The following ABCB10 variants were observed in gnomAD, a reference collection of about 807,000 sequenced individuals.
ABCB10 encodes ATP binding cassette subfamily B member 10, also known as ATP-binding cassette sub-family B member 10, mitochondrial.
Under a neutral mutation model 65.4 loss-of-function variants are expected in ABCB10, and 54 were observed. The observed-to-expected ratio is 0.83, with a 90% CI of 0.66 to 1.04. ABCB10 has a LOEUF of 1.04. ABCB10 is among the 50% of genes least tolerant of loss of function. The probability of loss-of-function intolerance (pLI) is 0.00; values close to 1 mark genes in which losing one functional copy is unlikely to be tolerated. For missense variants in ABCB10, 846 were observed against 976.6 expected (o/e 0.87, Z 1.78); for synonymous variants, 418 against 406.5 (o/e 1.03, Z -0.34).
intron 7 of ABCB10, 43 bp from the exon 8 acceptor site, chr1:229,530,451 T>C: frequency 1.2e-6 from 2 of 1,603,950 alleles, no homozygotes; most frequent in Non-Finnish European, 1.7e-6. Flanking sequence ...AGCAAAAAAT[T>C]AAACTCAAAA....
In ABCB10 at chr1:229,530,361, T is replaced by C. The variant is rs143054600; in HGVS notation, c.1483A>G (p.Lys495Glu). The change falls in exon 8 of 13, where the codon AAG becomes GAG. Residue 495 changes from lysine (K) to glutamate (E), a missense_variant. This residue lies in a region of ABCB10 where 632 missense variants were observed against 803.2 expected (regional missense o/e 0.79). Coordinates refer to ENST00000344517, the MANE Select transcript of ABCB10 (RefSeq NM_012089.3). ...EKSFQGALEF[K>E]NVHFAYPARP... ...GCTGGATAGGCAAAATGCACGTTCT[T>C]AAACTCCAAAGCACCCTGGAAGCTT... 2.3e-5 allele frequency: 37 copies of C among 1,614,218 alleles called. No homozygotes were observed. The African/African-American group carries it at 4.7e-4, about 20-fold the overall frequency.
chr1:229,526,166 A>G, intron 9 of ABCB10, 50 bp from the exon 10 acceptor site: 1 of 1,543,180 alleles, frequency 6.5e-7, no homozygotes. Context: ...GACTTAAAAC[A>G]TGTCTAATAA....
Position 229,549,533 on chromosome 1 carries a change from G to A in ABCB10, c.518-99C>T, listed in dbSNP as rs997634352. ...CCTTGCCAAATAAGCTGTTGTCAGA[G>A]TATGCGTTGATCTCAGTCTCTAGCA... On this transcript the variant is annotated intron_variant, in intron 1 of 12. Transcript: ENST00000344517. The A allele has an allele frequency of 5.1e-5, 59 of 1,154,186 alleles. 1 individual carries two copies. In the Middle Eastern group the frequency reaches 1.1e-3, roughly 21 times the overall value. 71.5% of individuals were successfully genotyped at this position (1,154,186 alleles called of 1,614,324 possible). A position where few individuals can be genotyped will look rare whatever the true frequency, so the allele number is the denominator to read the frequency against.
chr1:229,553,708 G>A lies in ABCB10; in HGVS notation c.518-4274C>T, dbSNP rs1379201320. The stretch of plus-strand genomic sequence containing the variant: ...TTGAGGTTGAGTTGGTCAGCATTGG[G>A]TCGGAACCCTGACGAACTCAACCTC... On this transcript the variant is annotated intron_variant, in intron 1 of 12. Transcript: ENST00000344517. 7.3e-5 allele frequency among the ~76,000 whole-genome samples: 11 copies of A among 151,152 alleles called. 1 individual carries two copies. Among genetic ancestry groups the A allele is most frequent in the Admixed American group, 6.6e-4 (10 of 15,242 alleles).
chr1:229,529,667 C>CAAAAA (rs969766089), intron 8 of ABCB10, among the ~76,000 whole-genome samples: 3 of 23,198 alleles, frequency 1.3e-4, no homozygotes, highest in African/African-American at 1.8e-4. Flanking sequence ...AAGACTGTCT[C>CAAAAA]AAAAAAAAAA....
intron 3 of ABCB10, among the ~76,000 whole-genome samples, chr1:229,543,435 C>G (rs1662898343): frequency 6.6e-6 from 1 of 152,164 alleles, no homozygotes; most frequent in Admixed American, 6.5e-5. Flanking sequence ...CTCATTTGCA[C>G]AGAAAATAGT....
rs60272247 is a variant in ABCB10, at chr1:229,517,726, T to G, written c.*453A>C. The G allele has an allele frequency of 0.029, 4,508 of 156,454 alleles. 227 individuals are homozygous for G. Among genetic ancestry groups the G allele is most frequent in the African/African-American group, 0.1 (4,209 of 41,572 alleles). 9.7% of individuals were successfully genotyped at this position (156,454 alleles called of 1,614,324 possible). ...AAAGGGTTAAATTTTCAATTTCCAT[T>G]ATTCTATCTGTAAAATTAGACTTAA... On this transcript the variant is annotated 3_prime_UTR_variant, in exon 13 of 13. Transcript: ENST00000344517.
intron 5 of ABCB10, 108 bp from the exon 6 acceptor site, chr1:229,539,699 G>T (rs1571969975): frequency 7.6e-7 from 1 of 1,308,148 alleles, no homozygotes; most frequent in African/African-American, 1.5e-5. Context: ...GTCACAGCAA[G>T]ATTTTTCCAA....
Position 229,558,567 on chromosome 1 carries a change from A to G in ABCB10, c.86T>C (p.Val29Ala). The G allele has an allele frequency of 6.9e-7, 1 of 1,445,120 alleles. No individual in the cohort carries two copies. Among genetic ancestry groups the G allele is most frequent in the Non-Finnish European group, 9.1e-7 (1 of 1,101,124 alleles). The allele number at this position is 1,445,120 out of a possible 1,614,324, so 89.5% of individuals were successfully genotyped here. The change falls in exon 1 of 13, where the codon GTG (valine) becomes GCG (alanine). Residue 29 changes from valine to alanine, a missense_variant. By Grantham distance (64) the Val-to-Ala change is moderately conservative (BLOSUM62 0). Around this residue, in one of 2 missense-constraint regions of ABCB10, gnomAD observed 214 missense variants for 173.5 expected, o/e 1.23. Transcript: ENST00000344517. ...EPGRLLPVAC[V>A]WAAASRVPGS... is the part of the protein sequence containing the mutation. ...GGGAACGCGGCTGGCCGCGGCCCAC[A>G]CGCAGGCTACCGGCAGGAGCCGACC...
chr1:229,518,092 G>C lies in ABCB10; in HGVS notation c.*87C>G. The C allele has an allele frequency of 1.1e-6, 1 of 951,094 alleles. No homozygotes were observed. The highest frequency in any genetic ancestry group is 2.4e-5 in the East Asian group (1 of 41,036). The allele number at this position is 951,094 out of a possible 1,614,324, so 58.9% of individuals were successfully genotyped here. The stretch of plus-strand genomic sequence containing the variant: ...GTATTTTTCAAATAACTTGATATAT[G>C]GTTTATGTATTTCATAGTCTCTGAG... On this transcript the variant is annotated 3_prime_UTR_variant, in exon 13 of 13. Coordinates refer to ENST00000344517, the MANE Select transcript of ABCB10 (RefSeq NM_012089.3).
At chr1:229,544,303 G>C (rs899420807) in intron 3 of ABCB10, among the ~76,000 whole-genome samples, 4 of 151,270 alleles carry the variant, frequency 2.6e-5, no homozygotes, top group Non-Finnish European at 4.4e-5. Context: ...TGTGGTTCCA[G>C]CTACTCAGGA....
rs1663313842 is a variant in ABCB10 at position 229,558,324 on chromosome 1, G to A, written c.329C>T (p.Ala110Val). 3.2e-6 allele frequency: 4 copies of A among 1,251,994 alleles called. No individual in the cohort carries two copies. The highest frequency in any genetic ancestry group is 4.0e-6 in the Non-Finnish European group (4 of 990,412). 77.6% of individuals were successfully genotyped at this position (1,251,994 alleles called of 1,614,324 possible). A position where few individuals can be genotyped will look rare whatever the true frequency, so the allele number is the denominator to read the frequency against. ...CRCGAFAGPG[A>V]PRLPRARFPG... ...GAACCGGGCGCGCGGGAGCCGAGGA[G>A]CGCCTGGCCCGGCAAAAGCCCCGCA... Residue 110 changes from alanine (A) to valine (V), a missense_variant, in exon 1 of 13, where the codon GCT becomes GTT. Transcript: ENST00000344517.
At chr1:229,538,849 G>A (rs1323134388) in intron 6 of ABCB10, among the ~76,000 whole-genome samples, 1 of 152,058 alleles carries the variant, frequency 6.6e-6, no homozygotes, top group Non-Finnish European at 1.5e-5. Context: ...AGACAAGAAG[G>A]GAAACAAAAA....
At chr1:229,532,952 TA>T (rs1330470646) in intron 6 of ABCB10, among the ~76,000 whole-genome samples, 2 of 152,168 alleles carry the variant, frequency 1.3e-5, no homozygotes, top group African/African-American at 4.8e-5. Flanking sequence ...TGGTTAATGT[TA>T]AACATTCCAG....
intron 6 of ABCB10, 44 bp downstream of exon 6, chr1:229,539,412 T>C (rs777598593): frequency 9.4e-6 from 15 of 1,601,608 alleles, no homozygotes; most frequent in Non-Finnish European, 1.3e-5. Flanking sequence ...AATGATGCTC[T>C]GATTTTTAAT....
At chr1:229,519,889 G>A (rs968824422) in intron 11 of ABCB10, among the ~76,000 whole-genome samples, 3 of 152,166 alleles carry the variant, frequency 2.0e-5, no homozygotes, top group South Asian at 2.1e-4. Context: ...ACTCTGGCAG[G>A]CTGAGGGGGG....
intron 6 of ABCB10, among the ~76,000 whole-genome samples, chr1:229,535,945 C>T (rs1379050588): frequency 6.6e-6 from 1 of 151,970 alleles, no homozygotes; most frequent in Non-Finnish European, 1.5e-5. Context: ...AGGCTGGTCT[C>T]GAACTCCTGG....
chr1:229,523,494 A>G (rs902743697), intron 10 of ABCB10, among the ~76,000 whole-genome samples: 1 of 152,168 alleles, frequency 6.6e-6, no homozygotes, highest in Non-Finnish European at 1.5e-5. Flanking sequence ...ATGCTGCTCT[A>G]AACAGGAAAC....
At chr1:229,526,870 T>G (rs1277661316) in intron 9 of ABCB10, among the ~76,000 whole-genome samples, 1 of 152,236 alleles carries the variant, frequency 6.6e-6, no homozygotes, top group African/African-American at 2.4e-5. Flanking sequence ...AAACTCATTA[T>G]GCAGAATAGT....
Sources: allele counts gnomAD v4.1 joint callset (sites outside exome capture counted in the v4.1 genomes callset), GRCh38; gene constraint gnomAD v4.1.1; regional missense constraint gnomAD v4.1.1; transcripts MANE v1.5; gene names NCBI Gene and HGNC (gene_info 2026-07-23, HGNC 2026-07-21).